SKAP2: variants seen among roughly 807,000 people sequenced by gnomAD.
The protein encoded by SKAP2 is src kinase-associated phosphoprotein 2.
SKAP2 carries 28 observed loss-of-function variants against 54.9 expected under a neutral mutation model. The observed-to-expected ratio is 0.51, with a 90% confidence interval of 0.38 to 0.70. The LOEUF is 0.70. Ranked by LOEUF, SKAP2 falls within the 30% of genes least tolerant of loss-of-function variation. The pLI, the probability that SKAP2 is intolerant of heterozygous loss-of-function variation, is 0.00. For synonymous variants in SKAP2, 137 were observed against 134.3 expected (o/e 1.02, Z -0.14); for missense variants, 356 against 424.1 (o/e 0.84, Z 1.41).
At position 26,670,095 on chromosome 7, in the gene SKAP2, G is replaced by A. The variant is rs1447370281; in HGVS notation, c.*5C>T. The A allele has an allele frequency of 7.7e-7, 1 of 1,302,186 alleles. No homozygotes were observed. Among genetic ancestry groups the A allele is most frequent in the Admixed American group, 1.7e-5 (1 of 59,530 alleles). The allele number at this position is 1,302,186 out of a possible 1,614,324, so 80.7% of individuals were successfully genotyped here. ...ATTGGATTAAAATGTACTTACCCAGGACTCTCAAATATCATACATCTCCAT... is the reference window on the plus strand; with the variant it reads ...ATTGGATTAAAATGTACTTACCCAGAACTCTCAAATATCATACATCTCCAT... On this transcript the variant is annotated 3_prime_UTR_variant, in exon 12 of 13. Transcript: ENST00000345317.
Position 26,668,483 on chromosome 7 carries a change from A to AC in SKAP2, c.*1182dup, listed in dbSNP as rs1404553302. ...TTCTACTCACCTGTTGGTACATGCT[A>AC]CCACTGGGATTTCTACACTCTCCTC... On this transcript the variant is annotated 3_prime_UTR_variant, in exon 13 of 13. Coordinates refer to ENST00000345317, the MANE Select transcript of SKAP2 (RefSeq NM_003930.5). 1 of 151,914 alleles carries AC rather than the reference A, an allele frequency of 6.6e-6. No homozygotes were observed. Among genetic ancestry groups the AC allele is most frequent in the Non-Finnish European group, 1.5e-5 (1 of 67,974 alleles). The allele number at this position is 151,914 out of a possible 1,614,324, so 9.4% of individuals were successfully genotyped here.
chr7:26,712,910 ATC>A (rs1272541252), intron 9 of SKAP2, among the ~76,000 whole-genome samples: 4 of 152,216 alleles, frequency 2.6e-5, no homozygotes, highest in Non-Finnish European at 5.9e-5. Flanking sequence ...CAAATTGTTC[ATC>A]TCATAAACAG....
In SKAP2 at chr7:26,864,483, C is replaced by A; in HGVS notation, c.-54G>T. 1 of 1,546,102 alleles carries A rather than the reference C, an allele frequency of 6.5e-7. No homozygotes were observed. The highest frequency in any genetic ancestry group is 8.7e-7 in the Non-Finnish European group (1 of 1,146,994). ...GGACCTGCGCTGAAAAGGTGACCGA[C>A]GGGGTGGGGCTGCGGCTGCGACCTA... On this transcript the variant is annotated 5_prime_UTR_variant, in exon 1 of 13. Coordinates refer to ENST00000345317, the MANE Select transcript of SKAP2 (RefSeq NM_003930.5).
intron 4 of SKAP2, among the ~76,000 whole-genome samples, chr7:26,815,431 A>T (rs1323000188): frequency 6.6e-6 from 1 of 152,216 alleles, no homozygotes; most frequent in East Asian, 1.9e-4. Context: ...CCATGCTATC[A>T]TAAATGGCCA....
intron 4 of SKAP2, among the ~76,000 whole-genome samples, chr7:26,797,998 ACAGT>A (rs1195953992): frequency 1.3e-5 from 2 of 151,848 alleles, no homozygotes; most frequent in Non-Finnish European, 2.9e-5. Context: ...TTGAAAATAT[ACAGT>A]CAGAGGAGAC....
intron 9 of SKAP2, 77 bp from the exon 10 acceptor site, chr7:26,690,439 A>C (rs1013226968): frequency 1.1e-6 from 1 of 894,716 alleles, no homozygotes; most frequent in East Asian, 2.4e-5. Flanking sequence ...CAATTTTAAA[A>C]GCAAAACTAA....
At chr7:26,778,896 T>C (rs1783368447) in intron 4 of SKAP2, among the ~76,000 whole-genome samples, 1 of 151,970 alleles carries the variant, frequency 6.6e-6, no homozygotes, top group African/African-American at 2.4e-5. Flanking sequence ...TGATCTTCAC[T>C]GTCAACATCA....
intron 4 of SKAP2, among the ~76,000 whole-genome samples, chr7:26,765,072 T>C (rs111550289): frequency 0.055 from 8,310 of 152,290 alleles, 332 homozygotes; most frequent in Non-Finnish European, 0.083. Context: ...TCCACAATGG[T>C]TGAACTAATT....
intron 9 of SKAP2, among the ~76,000 whole-genome samples, chr7:26,693,332 CAAAAAAAA>C (rs34775523): frequency 1.3e-4 from 10 of 79,890 alleles, no homozygotes; most frequent in Non-Finnish European, 2.1e-4. Flanking sequence ...AGCTCCATCT[CAAAAAAAA>C]AAAAAAAAAA....
At chr7:26,822,857 T>A (rs917317085) in intron 4 of SKAP2, among the ~76,000 whole-genome samples, 9 of 150,452 alleles carry the variant, frequency 6.0e-5, no homozygotes, top group East Asian at 4.0e-4. Flanking sequence ...CACTCCAGCC[T>A]GGGCGACACA....
intron 4 of SKAP2, among the ~76,000 whole-genome samples, chr7:26,745,313 CATG>C (rs1212989294): frequency 6.6e-6 from 1 of 152,228 alleles, no homozygotes; most frequent in Non-Finnish European, 1.5e-5. Context: ...TGTGTCACCA[CATG>C]ATGTGAGTTT....
At chr7:26,657,199 T>G in the SKAP2 span, among the ~76,000 whole-genome samples, 1 of 152,234 alleles carries the variant, frequency 6.6e-6, no homozygotes, top group Non-Finnish European at 1.5e-5. Flanking sequence ...TGTGACTTGT[T>G]GTATCAGCTA....
intron 4 of SKAP2, among the ~76,000 whole-genome samples, chr7:26,796,475 A>T (rs1783782024): frequency 6.6e-6 from 1 of 152,226 alleles, no homozygotes; most frequent in South Asian, 2.1e-4. Flanking sequence ...GAATAACACC[A>T]TGGGACCCAT....
chr7:26,790,147 T>A (rs558134440), intron 4 of SKAP2, among the ~76,000 whole-genome samples: 77 of 152,300 alleles, frequency 5.1e-4, no homozygotes, highest in African/African-American at 1.8e-3. Flanking sequence ...ATGAGCTGAA[T>A]TATAGGAGGA....
In SKAP2 at chr7:26,729,403, G is replaced by A. The variant is rs79497972; in HGVS notation, c.470-2397C>T. On this transcript the variant is annotated intron_variant, in intron 6 of 12. Transcript: ENST00000345317. ...CACTTGAGAAGTAGAAAGCACAAGC[G>A]AAGTAGGAGAAATGAAGGTAAACTT... 4.7e-3 allele frequency among the ~76,000 whole-genome samples: 709 copies of A among 152,204 alleles called. 2 individuals are homozygous for A. Among genetic ancestry groups the A allele is most frequent in the Non-Finnish European group, 8.2e-3 (558 of 68,002 alleles).
At chr7:26,699,739 C>T (rs1786982024) in intron 9 of SKAP2, among the ~76,000 whole-genome samples, 1 of 152,008 alleles carries the variant, frequency 6.6e-6, no homozygotes, top group Admixed American at 6.6e-5. Flanking sequence ...ATCCTGAGAT[C>T]AATAAGTTTA....
intron 4 of SKAP2, among the ~76,000 whole-genome samples, chr7:26,782,047 G>A (rs914369892): frequency 2.6e-5 from 4 of 152,156 alleles, no homozygotes; most frequent in Admixed American, 1.3e-4. Flanking sequence ...TCTGTGATTA[G>A]TATCTATTTT....
At chr7:26,693,117 AG>A (rs1786821497) in intron 9 of SKAP2, among the ~76,000 whole-genome samples, 1 of 152,160 alleles carries the variant, frequency 6.6e-6, no homozygotes, top group Non-Finnish European at 1.5e-5. Flanking sequence ...GGATCACCTG[AG>A]ATCAGGAGTT....
chr7:26,864,533 A>G lies in SKAP2; in HGVS notation c.-104T>C. On this transcript the variant is annotated 5_prime_UTR_variant, in exon 1 of 13. Coordinates refer to ENST00000345317, the MANE Select transcript of SKAP2 (RefSeq NM_003930.5). Reference sequence around the variant, plus strand: ...AGACTCAGGCTAGCGGCCCGGATTAAGAACAGCGGGGCTACGAGTCGGGAC... The same window carrying G: ...AGACTCAGGCTAGCGGCCCGGATTAGGAACAGCGGGGCTACGAGTCGGGAC... 6.8e-7 allele frequency: 1 copy of G among 1,477,004 alleles called. No individual in the cohort carries two copies. Among genetic ancestry groups the G allele is most frequent in the Non-Finnish European group, 9.0e-7 (1 of 1,115,204 alleles). The allele number at this position is 1,477,004 out of a possible 1,614,324, so 91.5% of individuals were successfully genotyped here.
Sources: allele counts gnomAD v4.1 joint callset (sites outside exome capture counted in the v4.1 genomes callset), GRCh38; gene constraint gnomAD v4.1.1; transcripts MANE v1.5; gene names NCBI Gene and HGNC (gene_info 2026-07-23, HGNC 2026-07-21).